DPYSL5: variants seen among roughly 807,000 people sequenced by gnomAD.
DPYSL5 encodes dihydropyrimidinase-related protein 5.
DPYSL5 carries 9 observed loss-of-function variants against 58.4 expected under a neutral mutation model. The ratio of observed to expected loss-of-function variants is 0.15; its 90% CI spans 0.09 to 0.27. The LOEUF is 0.27. DPYSL5 is among the 10% of genes least tolerant of loss of function. The pLI, the probability that DPYSL5 is intolerant of heterozygous loss-of-function variation, is 1.00. For missense variants in DPYSL5, 499 were observed against 770.6 expected, an observed-to-expected ratio of 0.65 and a Z score of 4.17; for synonymous variants, 293 against 301.9, an observed-to-expected ratio of 0.97 and a Z score of 0.31.
intron 1 of DPYSL5, among the ~76,000 whole-genome samples, chr2:26,853,110 A>G (rs187518072): frequency 6.6e-6 from 1 of 152,320 alleles, no homozygotes; most frequent in Admixed American, 6.5e-5. Context: ...GTTTCCTGGC[A>G]GCCTCTTTAA....
At chr2:26,936,896 A>C (rs1665192887) in intron 8 of DPYSL5, among the ~76,000 whole-genome samples, 1 of 142,608 alleles carries the variant, frequency 7.0e-6, no homozygotes, top group Non-Finnish European at 1.5e-5. Flanking sequence ...CAGTGAGCTG[A>C]GATCGCACAA....
At chr2:26,940,302 T>G (rs1273247014) in intron 9 of DPYSL5, 130 bp downstream of exon 9, 2 of 1,139,008 alleles carry the variant, frequency 1.8e-6, no homozygotes, top group Admixed American at 3.0e-5. Flanking sequence ...GCTGGTTCAA[T>G]CCCAGCTGTT....
In DPYSL5 at chr2:26,889,332, C is replaced by T. The variant is rs567712205; in HGVS notation, c.-4-9164C>T. On this transcript the variant is annotated intron_variant, in intron 1 of 12. Transcript: ENST00000288699. The stretch of plus-strand genomic sequence containing the variant: ...TTGCCCAGGCTGGAGTGCAGTGGTG[C>T]GATCTCAGCTCACTGCAAGCGCTGC... Among the ~76,000 whole-genome samples, 8 of 151,714 alleles carry T rather than the reference C, an allele frequency of 5.3e-5. No homozygotes were observed. The East Asian group carries it at 5.8e-4, about 11-fold the overall frequency.
intron 1 of DPYSL5, among the ~76,000 whole-genome samples, chr2:26,883,601 G>T (rs1389403446): frequency 6.6e-6 from 1 of 152,094 alleles, no homozygotes; most frequent in Non-Finnish European, 1.5e-5. Flanking sequence ...GTTTCACCAT[G>T]TTGGCCAGGC....
chr2:26,943,265 G>A lies in DPYSL5; in HGVS notation c.1440+515G>A, dbSNP rs552757069. ...GGCTCAGAGCTTTCAGAGAAACCAA[G>A]GACCCTTCTCTCCCAGAGGCCAATG... On this transcript the variant is annotated intron_variant, in intron 11 of 12. Transcript: ENST00000288699. 2.0e-5 allele frequency among the ~76,000 whole-genome samples: 3 copies of A among 152,262 alleles called. No homozygotes were observed. The East Asian group carries it at 5.8e-4, about 29-fold the overall frequency.
chr2:26,881,690 G>A (rs1663565993), intron 1 of DPYSL5, among the ~76,000 whole-genome samples: 1 of 152,136 alleles, frequency 6.6e-6, no homozygotes, highest in Admixed American at 6.6e-5. Flanking sequence ...GAGAGCCTGG[G>A]AACACATTTT....
chr2:26,882,090 CAAAAAAA>C (rs752138649), intron 1 of DPYSL5, among the ~76,000 whole-genome samples: 5 of 41,088 alleles, frequency 1.2e-4, no homozygotes, highest in South Asian at 9.7e-4. Context: ...GACTCCATCT[CAAAAAAA>C]AAAAAAAAAA....
At chr2:26,931,203 G>GTGTGTGTATA (rs1474347605) in intron 5 of DPYSL5, among the ~76,000 whole-genome samples, 12 of 44,934 alleles carry the variant, frequency 2.7e-4, no homozygotes, top group African/African-American at 6.5e-4. Context: ...GTGTGTGTGT[G>GTGTGTGTATA]TATATATATA....
chr2:26,862,639 A>G (rs965054602), intron 1 of DPYSL5, among the ~76,000 whole-genome samples: 1 of 151,936 alleles, frequency 6.6e-6, no homozygotes, highest in Non-Finnish European at 1.5e-5. Flanking sequence ...CCCCATCCCT[A>G]CCTGCTCCCT....
rs1156995151 is a variant in DPYSL5, at chr2:26,877,512, T to C, written c.-4-20984T>C. Among the ~76,000 whole-genome samples, 1 of 152,174 alleles carries C rather than the reference T, an allele frequency of 6.6e-6. No individual in the cohort carries two copies. The highest frequency in any genetic ancestry group is 1.5e-5 in the Non-Finnish European group (1 of 68,036). On this transcript the variant is annotated intron_variant, in intron 1 of 12. Coordinates refer to ENST00000288699, the MANE Select transcript of DPYSL5 (RefSeq NM_020134.4). The surrounding 1 kb of genome is among the most constrained non-coding windows in gnomAD (Gnocchi z 4.1). Reference sequence around the variant, plus strand: ...CTGAGTACATGCTGGGAAGATCATGTCAACCCTTGGAGCAGCTAGTGTTTA... The same window carrying C: ...CTGAGTACATGCTGGGAAGATCATGCCAACCCTTGGAGCAGCTAGTGTTTA...
At chr2:26,911,082 T>TTG (rs1483415334) in intron 2 of DPYSL5, among the ~76,000 whole-genome samples, 1 of 149,860 alleles carries the variant, frequency 6.7e-6, no homozygotes, top group African/African-American at 2.4e-5. Flanking sequence ...ATGTTCAGTT[T>TTG]TTTTTTTTTT....
chr2:26,939,820 C>T (rs1665270737), intron 8 of DPYSL5: 1 of 571,158 alleles, frequency 1.8e-6, no homozygotes, highest in Admixed American at 3.1e-5. Flanking sequence ...GTGACACAGA[C>T]AGACTGTGCC....
Position 26,933,160 on chromosome 2 carries a change from G to GTC in DPYSL5, c.715-98_715-97insTC. On this transcript the variant is annotated intron_variant, in intron 6 of 12. Transcript: ENST00000288699. The surrounding 1 kb of genome is among the most constrained non-coding windows in gnomAD (Gnocchi z 4.2). ...AGGGTGGGGTTGAGTGACGCAGGGG[G>GTC]AGGCGCTGGTGCCAGGGCTGACTTT... 9.6e-7 allele frequency: 1 copy of GTC among 1,037,564 alleles called. No individual in the cohort carries two copies. Among genetic ancestry groups the GTC allele is most frequent in the African/African-American group, 1.6e-5 (1 of 63,876 alleles). The allele number at this position is 1,037,564 out of a possible 1,614,324, so 64.3% of individuals were successfully genotyped here.
rs556203636 is a variant in DPYSL5 at position 26,927,988 on chromosome 2, C to T, written c.601-267C>T. Among the ~76,000 whole-genome samples the T allele has an allele frequency of 1.3e-5, 2 of 152,280 alleles. No homozygotes were observed. Among genetic ancestry groups the T allele is most frequent in the South Asian group, 2.1e-4 (1 of 4,818 alleles). On this transcript the variant is annotated intron_variant, in intron 4 of 12. Transcript: ENST00000288699. This position sits in a 1 kb window ranked among gnomAD's most constrained non-coding sequence, Gnocchi z 4.3. ...AGTGCTTGTCTTTGGTGTCCCAGGCCTGTTGCTAGTTATAATACTTAACTG... is the reference window on the plus strand; with the variant it reads ...AGTGCTTGTCTTTGGTGTCCCAGGCTTGTTGCTAGTTATAATACTTAACTG...
In DPYSL5 at chr2:26,949,323, C is replaced by G. The variant is rs944516344; in HGVS notation, c.*2328C>G. The G allele has an allele frequency of 2.6e-5, 4 of 152,368 alleles. No homozygotes were observed. The highest frequency in any genetic ancestry group is 5.9e-5 in the Non-Finnish European group (4 of 68,134). 9.4% of individuals were successfully genotyped at this position (152,368 alleles called of 1,614,324 possible). On this transcript the variant is annotated 3_prime_UTR_variant, in exon 13 of 13. Coordinates refer to ENST00000288699, the MANE Select transcript of DPYSL5 (RefSeq NM_020134.4). ...ACCCTCACTTCTCCCTTCACTCCCC[C>G]TTTCCTCACTCAGGGGCTGAGAGGA... is the stretch of plus-strand genomic sequence containing the variant.
Position 26,898,565 on chromosome 2 carries a change from C to T in DPYSL5, c.66C>T (p.Cys22=), listed in dbSNP as rs1664073937. 2.5e-6 allele frequency: 4 copies of T among 1,614,206 alleles called. No individual in the cohort carries two copies. The African/African-American group carries it at 4.0e-5, about 16-fold the overall frequency. ...IKGGKVVNDD[C]THEADVYIEN... is the part of the protein sequence containing the mutation. ...GAGGCAAGGTGGTGAACGATGACTG[C>T]ACCCACGAGGCTGACGTCTACATCG... Residue 22 remains cysteine, a synonymous_variant, in exon 2 of 13, where the codon TGC becomes TGT. Transcript: ENST00000288699. The surrounding 1 kb of genome is among the most constrained non-coding windows in gnomAD (Gnocchi z 6.1).
At chr2:26,888,213 C>CTT (rs1553316455) in intron 1 of DPYSL5, among the ~76,000 whole-genome samples, 1 of 74,368 alleles carries the variant, frequency 1.3e-5, no homozygotes, top group Non-Finnish European at 2.9e-5. Context: ...CCTTTCTTTT[C>CTT]TTTCTTTCTT....
At chr2:26,921,155 C>T (rs62130474) in intron 2 of DPYSL5, among the ~76,000 whole-genome samples, 10 of 152,076 alleles carry the variant, frequency 6.6e-5, no homozygotes, top group Non-Finnish European at 1.5e-4. Context: ...CAAAACCTAA[C>T]GTAACTAAAC....
rs1665646335 is a variant in DPYSL5, at chr2:26,848,196, C to T, written c.-63C>T. On this transcript the variant is annotated 5_prime_UTR_variant, in exon 1 of 13. Coordinates refer to ENST00000288699, the MANE Select transcript of DPYSL5 (RefSeq NM_020134.4). ...CCCCGAGCACCCGCAGCTCCGGCGC[C>T]GCGGCGAGACGGAGACGGACCGAGC... The T allele has an allele frequency of 6.6e-6, 1 of 151,766 alleles. No homozygotes were observed. Among genetic ancestry groups the T allele is most frequent in the Admixed American group, 6.6e-5 (1 of 15,254 alleles). 9.4% of individuals were successfully genotyped at this position (151,766 alleles called of 1,614,324 possible).
Sources: allele counts gnomAD v4.1 joint callset (sites outside exome capture counted in the v4.1 genomes callset), GRCh38; gene constraint gnomAD v4.1.1; non-coding constraint Gnocchi (gnomAD v3.1); transcripts MANE v1.5; gene names NCBI Gene and HGNC (gene_info 2026-07-23, HGNC 2026-07-21).